The following GRIK2 variants were observed in gnomAD, a reference collection of about 807,000 sequenced individuals.
The protein encoded by GRIK2 is glutamate receptor ionotropic, kainate 2.
Under a neutral mutation model 100.3 loss-of-function variants are expected in GRIK2, and 32 were observed. The ratio of observed to expected loss-of-function variants is 0.32; its 90% CI spans 0.24 to 0.43. The LOEUF (loss-of-function observed/expected upper bound fraction) is 0.43, where lower values mean the gene tolerates loss of function less well. Among genes scored for constraint, GRIK2 ranks in the 20% least tolerant of loss-of-function variants. The pLI is 1.00. For synonymous variants in GRIK2, 417 were observed against 389.4 expected (o/e 1.07, Z -0.83); for missense variants, 843 against 1,114.9 (o/e 0.76, Z 3.47).
At chr6:101,503,263 G>T (rs1773858334) in intron 2 of GRIK2, among the ~76,000 whole-genome samples, 1 of 152,144 alleles carries the variant, frequency 6.6e-6, no homozygotes, top group Non-Finnish European at 1.5e-5. Context: ...TTACAATGGA[G>T]TTGTGAGGAA....
At chr6:101,720,832 A>G (rs1383424169) in intron 7 of GRIK2, among the ~76,000 whole-genome samples, 1 of 152,050 alleles carries the variant, frequency 6.6e-6, no homozygotes. Flanking sequence ...GCTGGATGAA[A>G]TTTTTTGTTT....
chr6:101,570,673 C>T (rs1318775719), intron 2 of GRIK2, among the ~76,000 whole-genome samples: 2 of 152,160 alleles, frequency 1.3e-5, no homozygotes, highest in East Asian at 3.9e-4. Flanking sequence ...CCTTGCTGGA[C>T]ATGATTTGCC....
chr6:101,634,354 A>T (rs1780906342), intron 4 of GRIK2, among the ~76,000 whole-genome samples: 1 of 152,108 alleles, frequency 6.6e-6, no homozygotes, highest in South Asian at 2.1e-4. Flanking sequence ...TTTACCTAGA[A>T]GGGGAAAACA....
chr6:102,030,594 T>C lies in GRIK2; in HGVS notation c.2086-4747T>C, dbSNP rs952470465. 2.1e-4 allele frequency among the ~76,000 whole-genome samples: 32 copies of C among 151,232 alleles called. 2 individuals carry two copies. Among genetic ancestry groups the C allele is most frequent in the South Asian group, 8.3e-4 (4 of 4,818 alleles). ...TCAGTTTTCATTGTTTGTAGTTTTC[T>C]AGCAAAATCACTACAAGGGACCACT... On this transcript the variant is annotated intron_variant, in intron 14 of 16. Transcript: ENST00000369134.
chr6:101,996,016 A>T (rs1393404473), intron 14 of GRIK2, among the ~76,000 whole-genome samples: 1 of 152,014 alleles, frequency 6.6e-6, no homozygotes, highest in Non-Finnish European at 1.5e-5. Context: ...GCATCACTGC[A>T]TGTGACTGGA....
At chr6:101,788,105 T>G (rs569225482) in intron 7 of GRIK2, among the ~76,000 whole-genome samples, 1 of 152,230 alleles carries the variant, frequency 6.6e-6, no homozygotes, top group African/African-American at 2.4e-5. Flanking sequence ...GATATAAGTA[T>G]AGCTATTCCA....
At chr6:101,816,609 T>C (rs1781645462) in intron 9 of GRIK2, among the ~76,000 whole-genome samples, 1 of 152,138 alleles carries the variant, frequency 6.6e-6, no homozygotes, top group Non-Finnish European at 1.5e-5. Flanking sequence ...GAGAATTGCT[T>C]GAACCCGGGA....
intron 12 of GRIK2, among the ~76,000 whole-genome samples, chr6:101,894,559 T>G (rs2128459170): frequency 6.6e-6 from 1 of 151,788 alleles, no homozygotes; most frequent in Non-Finnish European, 1.5e-5. Context: ...CCTAAATGTT[T>G]TCTCCTCCTT....
rs563175522 is a variant in GRIK2 at position 101,767,578 on chromosome 6, T to G, written c.952-32070T>G. 1.1e-3 allele frequency among the ~76,000 whole-genome samples: 167 copies of G among 152,278 alleles called. 2 individuals carry two copies. The highest frequency in any genetic ancestry group is 3.6e-3 in the African/African-American group (148 of 41,576). The stretch of plus-strand genomic sequence containing the variant: ...AATTCTAACTTGGAAAAATATATTC[T>G]TAGATTTTTTTAAAGCAAATTATTG... On this transcript the variant is annotated intron_variant, in intron 7 of 16. Coordinates refer to ENST00000369134, the MANE Select transcript of GRIK2 (RefSeq NM_021956.5).
At chr6:101,864,759 T>G (rs1562448599) in intron 11 of GRIK2, among the ~76,000 whole-genome samples, 1 of 152,194 alleles carries the variant, frequency 6.6e-6, no homozygotes, top group Non-Finnish European at 1.5e-5. Context: ...AGGATTACTG[T>G]TGAACCATGA....
At chr6:101,604,558 A>T (rs748685141) in intron 2 of GRIK2, among the ~76,000 whole-genome samples, 1 of 151,870 alleles carries the variant, frequency 6.6e-6, no homozygotes, top group Non-Finnish European at 1.5e-5. Context: ...AAGAATAGCC[A>T]TTTTCCAAAT....
chr6:101,599,381 G>A (rs1338578460), intron 2 of GRIK2, among the ~76,000 whole-genome samples: 1 of 151,648 alleles, frequency 6.6e-6, no homozygotes, highest in Non-Finnish European at 1.5e-5. Context: ...ATGAACAGAC[G>A]AGTACATGTG....
At chr6:101,910,958 C>G (rs79105133) in intron 12 of GRIK2, among the ~76,000 whole-genome samples, 5,601 of 150,938 alleles carry the variant, frequency 0.037, 304 homozygotes, top group East Asian at 0.24. Context: ...TTGTTTTACC[C>G]TTCAGTGGAT....
chr6:101,587,514 C>G (rs939063129), intron 2 of GRIK2, among the ~76,000 whole-genome samples: 2 of 151,908 alleles, frequency 1.3e-5, no homozygotes, highest in African/African-American at 2.4e-5. Context: ...AATGAGGAAG[C>G]AGTTATATTT....
chr6:101,786,414 A>G (rs1443148010), intron 7 of GRIK2, among the ~76,000 whole-genome samples: 1 of 151,922 alleles, frequency 6.6e-6, no homozygotes, highest in Non-Finnish European at 1.5e-5. Context: ...TTTCCCATAC[A>G]TTATGTTATT....
intron 10 of GRIK2, among the ~76,000 whole-genome samples, chr6:101,824,879 A>C (rs888091545): frequency 6.6e-6 from 1 of 152,208 alleles, no homozygotes; most frequent in African/African-American, 2.4e-5. Context: ...CAAATTTCCA[A>C]TGACAATTGA....
chr6:101,424,533 T>A (rs1366820676), intron 2 of GRIK2, among the ~76,000 whole-genome samples: 1 of 151,584 alleles, frequency 6.6e-6, no homozygotes, highest in African/African-American at 2.4e-5. Flanking sequence ...TATTCCATGG[T>A]GTATGTGTGC....
chr6:101,538,612 CT>C (rs201195114), intron 2 of GRIK2, among the ~76,000 whole-genome samples: 23 of 147,402 alleles, frequency 1.6e-4, no homozygotes, highest in South Asian at 2.1e-4. Context: ...CCCTCAGTAT[CT>C]TTTTTTTTTT....
intron 7 of GRIK2, among the ~76,000 whole-genome samples, chr6:101,793,519 G>T (rs975456034): frequency 6.6e-6 from 1 of 152,172 alleles, no homozygotes; most frequent in African/African-American, 2.4e-5. Context: ...CTGCAGAACT[G>T]CAGATTTTCT....
Sources: gnomAD v4.1 joint callset for allele counts (sites outside exome capture counted in the v4.1 genomes callset) on GRCh38, gnomAD v4.1.1 for gene constraint, MANE v1.5 for transcripts, NCBI Gene and HGNC (gene_info 2026-07-23, HGNC 2026-07-21) for gene names.